Variants in ACKR2 observed in about 807,000 individuals in gnomAD.
The protein encoded by ACKR2 is C-C chemokine receptor D6.
For synonymous variants in ACKR2, 207 were observed against 192.2 expected, an observed-to-expected ratio of 1.08 and a Z score of -0.64; for missense variants, 457 against 477.3, an observed-to-expected ratio of 0.96 and a Z score of 0.40.
At chr3:42,854,415 T>C (rs973812539) in intron 2 of ACKR2, among the ~76,000 whole-genome samples, 1 of 152,178 alleles carries the variant, frequency 6.6e-6, no homozygotes, top group Non-Finnish European at 1.5e-5. Context: ...CTGCCACTAG[T>C]TGCCGAGGCC....
chr3:42,862,768 T>A (rs1169461059), intron 2 of ACKR2, among the ~76,000 whole-genome samples: 1 of 152,044 alleles, frequency 6.6e-6, no homozygotes, highest in Non-Finnish European at 1.5e-5. Context: ...GAAAGGATTC[T>A]CTATCTAATA....
chr3:42,830,112 G>A (rs1175989752), intron 2 of ACKR2, among the ~76,000 whole-genome samples: 4 of 152,106 alleles, frequency 2.6e-5, no homozygotes, highest in Admixed American at 2.0e-4. Flanking sequence ...TGAATGTTAT[G>A]AGGCTTCCTC....
intron 1 of ACKR2, among the ~76,000 whole-genome samples, chr3:42,817,404 C>T (rs1700763299): frequency 6.6e-6 from 1 of 152,162 alleles, no homozygotes; most frequent in Non-Finnish European, 1.5e-5. Flanking sequence ...AAAATTCTCT[C>T]AGCTTCCTCC....
At chr3:42,817,635 A>G (rs1384975605) in intron 1 of ACKR2, among the ~76,000 whole-genome samples, 2 of 152,164 alleles carry the variant, frequency 1.3e-5, no homozygotes, top group Non-Finnish European at 2.9e-5. Context: ...TAGATTCTTC[A>G]TCCTTTCTCC....
intron 2 of ACKR2, among the ~76,000 whole-genome samples, chr3:42,848,184 A>G (rs1359729164): frequency 6.6e-6 from 1 of 151,218 alleles, no homozygotes; most frequent in Non-Finnish European, 1.5e-5. Context: ...ATACTTAAGA[A>G]GAAAGGCTAA....
At chr3:42,815,733 A>T (rs1020363364) in intron 1 of ACKR2, among the ~76,000 whole-genome samples, 11 of 152,246 alleles carry the variant, frequency 7.2e-5, no homozygotes, top group Non-Finnish European at 1.5e-4. Flanking sequence ...CTGGCATCAT[A>T]TCCGACCATG....
At chr3:42,813,006 T>C (rs1337707525) in intron 1 of ACKR2, among the ~76,000 whole-genome samples, 1 of 152,190 alleles carries the variant, frequency 6.6e-6, no homozygotes, top group Non-Finnish European at 1.5e-5. Flanking sequence ...TTCTTTTGGT[T>C]CTAATCATAT....
Position 42,864,681 on chromosome 3 carries a change from G to T in ACKR2, c.179G>T (p.Gly60Val). The T allele has an allele frequency of 1.2e-6, 2 of 1,614,150 alleles. No individual in the cohort carries two copies. The highest frequency in any genetic ancestry group is 1.7e-6 in the Non-Finnish European group (2 of 1,180,020). ...TTCTATAGCCTGATTTTTGTGTTGG[G>T]CCTCAGCGGGAACCTCCTTCTTCTC... is the stretch of plus-strand genomic sequence containing the variant. ...PVFYSLIFVL[G>V]LSGNLLLLMV... is the part of the protein sequence containing the mutation. Residue 60 changes from glycine to valine, a missense_variant, in exon 3 of 3, where the codon GGC becomes GTC. Transcript: ENST00000422265.
intron 2 of ACKR2, among the ~76,000 whole-genome samples, chr3:42,831,266 T>C (rs1357744329): frequency 6.6e-6 from 1 of 152,196 alleles, no homozygotes; most frequent in Non-Finnish European, 1.5e-5. Context: ...GTGAAAAGTC[T>C]CTTATGGACC....
chr3:42,825,443 A>T (rs968376714), intron 2 of ACKR2, among the ~76,000 whole-genome samples: 1 of 152,018 alleles, frequency 6.6e-6, no homozygotes, highest in Non-Finnish European at 1.5e-5. Context: ...ATTTATTCCT[A>T]GGTATCTTAT....
Position 42,864,975 on chromosome 3 carries a change from G to T in ACKR2, c.473G>T (p.Arg158Leu). The part of the protein sequence containing the change: ...HAQPYHRLRT[R>L]AKSLLLATIV... ...CAGCCCTACCACAGGCTGAGGACCC[G>T]GGCCAAGAGCCTGCTCCTTGCTACC... The change falls in exon 3 of 3, where the codon CGG becomes CTG. Residue 158 changes from arginine to leucine, a missense_variant. Arg to Leu is a moderately radical substitution (Grantham distance 102). Coordinates refer to ENST00000422265, the MANE Select transcript of ACKR2 (RefSeq NM_001296.5). 1.2e-6 allele frequency: 2 copies of T among 1,614,072 alleles called. No individual in the cohort carries two copies. Among genetic ancestry groups the T allele is most frequent in the Non-Finnish European group, 1.7e-6 (2 of 1,180,020 alleles).
At chr3:42,832,916 T>A (rs1177353222) in intron 2 of ACKR2, among the ~76,000 whole-genome samples, 1 of 151,990 alleles carries the variant, frequency 6.6e-6, no homozygotes, top group African/African-American at 2.4e-5. Flanking sequence ...CAGGCTGGAG[T>A]ACAGTGGCAC....
At chr3:42,854,544 G>A (rs780304645) in intron 2 of ACKR2, among the ~76,000 whole-genome samples, 10 of 152,122 alleles carry the variant, frequency 6.6e-5, no homozygotes, top group African/African-American at 2.4e-4. Context: ...TCCAATCCCC[G>A]GCCCCCCATT....
chr3:42,865,193 T>A lies in ACKR2; in HGVS notation c.691T>A (p.Ser231Thr). The stretch of plus-strand genomic sequence containing the variant: ...ACTCCTTGCCATGATCTTCTTCTAC[T>A]CCCGTATTGGTTGTGTCTTGGTGAG... ...LPLLAMIFFY[S>T]RIGCVLVRLR... The change falls in exon 3 of 3, where the codon TCC (serine) becomes ACC (threonine). Residue 231 changes from serine (S) to threonine (T), a missense_variant. Physicochemically the swap from Ser to Thr is moderately conservative, Grantham distance 58. Transcript: ENST00000422265. The A allele has an allele frequency of 6.2e-7, 1 of 1,614,118 alleles. No individual in the cohort carries two copies. Among genetic ancestry groups the A allele is most frequent in the South Asian group, 1.1e-5 (1 of 91,066 alleles).
chr3:42,832,290 A>T (rs1436338877), intron 2 of ACKR2, among the ~76,000 whole-genome samples: 1 of 152,112 alleles, frequency 6.6e-6, no homozygotes, highest in African/African-American at 2.4e-5. Flanking sequence ...GGAATTTGAG[A>T]CCAGCTAGGC....
At chr3:42,813,864 T>C (rs1022094416) in intron 1 of ACKR2, among the ~76,000 whole-genome samples, 3 of 152,236 alleles carry the variant, frequency 2.0e-5, no homozygotes, top group African/African-American at 7.2e-5. Flanking sequence ...TGTTCCATGG[T>C]GAGCTGTTTT....
At chr3:42,855,060 T>C (rs1219601204) in intron 2 of ACKR2, among the ~76,000 whole-genome samples, 1 of 152,132 alleles carries the variant, frequency 6.6e-6, no homozygotes, top group Non-Finnish European at 1.5e-5. Flanking sequence ...TTTCGCCACG[T>C]TGACCAGGCT....
intron 2 of ACKR2, chr3:42,841,851 G>A (rs1419645943): frequency 6.6e-6 from 1 of 152,230 alleles, no homozygotes; most frequent in Non-Finnish European, 1.5e-5. Context: ...ATGATACTAG[G>A]GTTGAGACTG....
chr3:42,841,158 C>T (rs1241047041), intron 2 of ACKR2, among the ~76,000 whole-genome samples: 1 of 152,156 alleles, frequency 6.6e-6, no homozygotes, highest in Non-Finnish European at 1.5e-5. Context: ...GAAATAGTTA[C>T]CAAGTTTTAA....
Sources: gnomAD v4.1 joint callset for allele counts (sites outside exome capture counted in the v4.1 genomes callset) on GRCh38, gnomAD v4.1.1 for gene constraint, MANE v1.5 for transcripts, NCBI Gene and HGNC (gene_info 2026-07-23, HGNC 2026-07-21) for gene names.